ITCH: variants seen among roughly 807,000 people sequenced by gnomAD.
ITCH encodes itchy E3 ubiquitin protein ligase.
In ITCH, 28 loss-of-function variants were observed where a neutral mutation model predicts 126.8. That is an observed-to-expected ratio of 0.22 (90% confidence interval 0.16 to 0.30). ITCH has a LOEUF of 0.30. ITCH is among the 10% of genes least tolerant of loss of function. The pLI, the probability that ITCH is intolerant of heterozygous loss-of-function variation, is 1.00. For synonymous variants in ITCH, 342 were observed against 340.0 expected (o/e 1.01, Z -0.06); for missense variants, 631 against 1,032.4 (o/e 0.61, Z 5.33).
intron 6 of ITCH, among the ~76,000 whole-genome samples, chr20:34,420,638 C>T (rs1332447951): frequency 6.6e-6 from 1 of 152,052 alleles, no homozygotes; most frequent in Non-Finnish European, 1.5e-5. Context: ...TTGATAGTTT[C>T]TCATTTCTTC....
intron 1 of ITCH, among the ~76,000 whole-genome samples, chr20:34,367,005 G>T (rs2122951677): frequency 6.6e-6 from 1 of 152,012 alleles, no homozygotes; most frequent in Non-Finnish European, 1.5e-5. Flanking sequence ...TTTTTTTTTA[G>T]AGCTAATCTG....
At chr20:34,441,147 C>T (rs915013814) in intron 9 of ITCH, among the ~76,000 whole-genome samples, 1 of 151,982 alleles carries the variant, frequency 6.6e-6, no homozygotes, top group Non-Finnish European at 1.5e-5. Flanking sequence ...TGGCAGGCGC[C>T]TGTAATCCCA....
intron 7 of ITCH, among the ~76,000 whole-genome samples, chr20:34,433,268 G>A (rs1326287634): frequency 1.3e-5 from 2 of 152,176 alleles, no homozygotes; most frequent in Admixed American, 6.5e-5. Flanking sequence ...CCACCCTGGG[G>A]GACAAGAGCG....
chr20:34,401,872 A>G (rs1384531704), intron 3 of ITCH, among the ~76,000 whole-genome samples: 3 of 152,164 alleles, frequency 2.0e-5, no homozygotes, highest in Admixed American at 6.5e-5. Flanking sequence ...CTTTAAAAAT[A>G]CATATATATA....
chr20:34,385,658 G>A (rs1393763407), intron 2 of ITCH, among the ~76,000 whole-genome samples: 4 of 152,102 alleles, frequency 2.6e-5, no homozygotes, highest in African/African-American at 9.7e-5. Context: ...TTAGATCCTG[G>A]TGCCAATTTC....
In ITCH at chr20:34,399,779, T is replaced by TG. The variant is rs528160582; in HGVS notation, c.70+5899dup. Reference sequence around the variant, plus strand: ...TCACTTGAACCTGGGAGACAGAGGTTGCAGTAAGCCAAGATCGCACCCCTA... The same window carrying TG: ...TCACTTGAACCTGGGAGACAGAGGTTGGCAGTAAGCCAAGATCGCACCCCTA... On this transcript the variant is annotated intron_variant, in intron 3 of 24. Coordinates refer to ENST00000374864, the MANE Select transcript of ITCH (RefSeq NM_031483.7). 5.9e-5 allele frequency among the ~76,000 whole-genome samples: 9 copies of TG among 152,122 alleles called. No individual in the cohort carries two copies. The East Asian group carries it at 1.7e-3, about 30-fold the overall frequency.
At chr20:34,402,138 A>G (rs1207113978) in intron 3 of ITCH, 7 of 1,022,932 alleles carry the variant, frequency 6.8e-6, no homozygotes, top group African/African-American at 1.6e-5. Flanking sequence ...AGGGCTCTGG[A>G]GAGATGTTCC....
At chr20:34,478,816 T>C (rs1372276449) in intron 17 of ITCH, among the ~76,000 whole-genome samples, 1 of 152,122 alleles carries the variant, frequency 6.6e-6, no homozygotes, top group Non-Finnish European at 1.5e-5. Context: ...AGTAGAAACA[T>C]GTAATTTTGT....
intron 2 of ITCH, among the ~76,000 whole-genome samples, chr20:34,393,426 G>T (rs138554396): frequency 2.9e-4 from 44 of 152,258 alleles, no homozygotes; most frequent in Admixed American, 9.8e-4. Context: ...ATCCTCAAGG[G>T]AATGAGTGTA....
rs551114196 is a variant in ITCH, at chr20:34,399,118, C to T, written c.70+5237C>T. ...TGTAAAAAATGAATGTCAGGCTGGGCGTGGTGGCTCTCACCTGTAATCCCA... is the reference window on the plus strand; with the variant it reads ...TGTAAAAAATGAATGTCAGGCTGGGTGTGGTGGCTCTCACCTGTAATCCCA... On this transcript the variant is annotated intron_variant, in intron 3 of 24. Transcript: ENST00000374864. Among the ~76,000 whole-genome samples the T allele has an allele frequency of 1.5e-3, 228 of 152,238 alleles. 2 individuals are homozygous for T. Among genetic ancestry groups the T allele is most frequent in the Non-Finnish European group, 2.3e-3 (158 of 68,008 alleles).
intron 14 of ITCH, among the ~76,000 whole-genome samples, chr20:34,468,005 T>A (rs374389741): frequency 2.6e-5 from 4 of 151,598 alleles, no homozygotes; most frequent in African/African-American, 9.7e-5. Flanking sequence ...CAATGCAAAT[T>A]TATGAGAAAC....
chr20:34,481,300 GTATT>G, intron 20 of ITCH, 94 bp downstream of exon 20: 1 of 1,340,590 alleles, frequency 7.5e-7, no homozygotes, highest in Non-Finnish European at 1.1e-6. Context: ...TCCAAAAATA[GTATT>G]TGTCTCTGTA....
intron 3 of ITCH, among the ~76,000 whole-genome samples, chr20:34,395,337 T>G (rs1000458135): frequency 3.9e-5 from 6 of 152,146 alleles, no homozygotes; most frequent in Non-Finnish European, 8.8e-5. Flanking sequence ...TTTTCTTCTT[T>G]GGTGGATCTG....
chr20:34,464,788 G>C (rs1986890885), intron 14 of ITCH, among the ~76,000 whole-genome samples: 2 of 151,642 alleles, frequency 1.3e-5, no homozygotes, highest in Admixed American at 1.3e-4. Context: ...TCAGCTCACT[G>C]CAACCTCTAC....
chr20:34,433,856 C>T (rs1982655250), intron 7 of ITCH, among the ~76,000 whole-genome samples: 1 of 151,496 alleles, frequency 6.6e-6, no homozygotes, highest in Non-Finnish European at 1.5e-5. Context: ...CAGTCACATC[C>T]AATGAGAAGG....
intron 20 of ITCH, among the ~76,000 whole-genome samples, chr20:34,488,411 T>C (rs1989283224): frequency 6.6e-6 from 1 of 152,130 alleles, no homozygotes; most frequent in South Asian, 2.1e-4. Flanking sequence ...ACTGAAGTAT[T>C]TGTTCAAAAT....
At chr20:34,446,739 T>G (rs906915489) in intron 11 of ITCH, among the ~76,000 whole-genome samples, 1 of 152,214 alleles carries the variant, frequency 6.6e-6, no homozygotes, top group Non-Finnish European at 1.5e-5. Context: ...CTTGCCTGCC[T>G]TCTTTAAAAC....
At chr20:34,490,945 C>A (rs1989464860) in intron 22 of ITCH, among the ~76,000 whole-genome samples, 1 of 152,194 alleles carries the variant, frequency 6.6e-6, no homozygotes. Flanking sequence ...TGCTCCTGGA[C>A]TTGGAGTTTT....
chr20:34,436,587 G>A (rs1983033568), intron 7 of ITCH, among the ~76,000 whole-genome samples: 2 of 152,186 alleles, frequency 1.3e-5, no homozygotes, highest in African/African-American at 4.8e-5. Context: ...AATTACTGAG[G>A]TGTTCCCTCT....
Sources: allele counts gnomAD v4.1 joint callset (sites outside exome capture counted in the v4.1 genomes callset), GRCh38; gene constraint gnomAD v4.1.1; transcripts MANE v1.5; gene names NCBI Gene and HGNC (gene_info 2026-07-23, HGNC 2026-07-21).